Variants in NRXN3 observed in about 807,000 individuals in gnomAD.
NRXN3 encodes the protein neurexin 3.
A neutral mutation model predicts 137.6 loss-of-function variants in NRXN3; 32 were observed. The ratio of observed to expected loss-of-function variants is 0.23; its 90% CI spans 0.18 to 0.31. The LOEUF (loss-of-function observed/expected upper bound fraction) is 0.31, where lower values mean the gene tolerates loss of function less well. Ranked by LOEUF, NRXN3 falls within the 10% of genes least tolerant of loss-of-function variation. NRXN3 has a pLI of 1.00. For synonymous variants in NRXN3, 798 were observed against 784.5 expected, an observed-to-expected ratio of 1.02 and a Z score of -0.29; for missense variants, 1,574 against 2,062.5, an observed-to-expected ratio of 0.76 and a Z score of 4.59.
rs1426378495 is a variant in NRXN3 at position 78,778,756 on chromosome 14, TTCTCTTTC to T, written c.2045-24862_2045-24855del. 3.9e-3 allele frequency among the ~76,000 whole-genome samples: 458 copies of T among 116,766 alleles called. 4 individuals carry two copies. The highest frequency in any genetic ancestry group is 0.015 in the African/African-American group (441 of 28,854). The allele number at this position is 116,766 out of a possible 152,430, so 76.6% of individuals were successfully genotyped here. On this transcript the variant is annotated intron_variant, in intron 8 of 20. Transcript: ENST00000335750. ...TCTCTCTCTTTCTTTCTTTCCTTCT[TTCTCTTTC>T]TTTCTTTCTTTCTTTCTTTCTTTCT...
chr14:78,216,070 A>G (rs912300863), intron 1 of NRXN3, among the ~76,000 whole-genome samples: 3 of 152,138 alleles, frequency 2.0e-5, no homozygotes, highest in Admixed American at 6.5e-5. Flanking sequence ...AAAAACTTTA[A>G]TTGGTTTTAT....
chr14:79,465,768 G>A, intron 15 of NRXN3, among the ~76,000 whole-genome samples: 1 of 152,136 alleles, frequency 6.6e-6, no homozygotes, highest in South Asian at 2.1e-4. Context: ...TTTAAGGGTT[G>A]GAACATGGTC....
At chr14:78,705,950 GC>G (rs1270867174) in intron 6 of NRXN3, among the ~76,000 whole-genome samples, 1 of 152,122 alleles carries the variant, frequency 6.6e-6, no homozygotes, top group Non-Finnish European at 1.5e-5. Context: ...CTTCATTCCG[GC>G]TATTCACCTT....
intron 15 of NRXN3, among the ~76,000 whole-genome samples, chr14:79,118,791 A>G (rs2054916978): frequency 6.6e-6 from 1 of 152,084 alleles, no homozygotes; most frequent in African/African-American, 2.4e-5. Flanking sequence ...TAACACCCCT[A>G]TGTACCCAAA....
rs200860164 is a variant in NRXN3, at chr14:79,380,544, C to T, written c.3263-86677C>T. On this transcript the variant is annotated intron_variant, in intron 15 of 20. Transcript: ENST00000335750. ...ACATGAACTCATCCTTTTTTATGGC[C>T]GCATAGTATTCCATGGTGTATATGT... Among the ~76,000 whole-genome samples, 579 of 152,068 alleles carry T rather than the reference C, an allele frequency of 3.8e-3. 6 individuals carry two copies. The highest frequency in any genetic ancestry group is 0.026 in the East Asian group (135 of 5,158).
At chr14:78,542,200 C>T (rs1023983866) in intron 4 of NRXN3, among the ~76,000 whole-genome samples, 1 of 152,218 alleles carries the variant, frequency 6.6e-6, no homozygotes, top group Non-Finnish European at 1.5e-5. Flanking sequence ...CCACTGCTCT[C>T]TTCAGAGCTG....
chr14:79,163,952 T>TCATGCTGAAC (rs552569978), intron 15 of NRXN3, among the ~76,000 whole-genome samples: 312 of 152,134 alleles, frequency 2.1e-3, no homozygotes, highest in Admixed American at 3.5e-3. Context: ...TTTAAACTGT[T>TCATGCTGAAC]AATTCATGCT....
intron 4 of NRXN3, among the ~76,000 whole-genome samples, chr14:78,504,699 C>A (rs1453288094): frequency 6.6e-6 from 1 of 152,152 alleles, no homozygotes; most frequent in Non-Finnish European, 1.5e-5. Context: ...TTTCTTTAAT[C>A]ATATGAGTCC....
intron 15 of NRXN3, among the ~76,000 whole-genome samples, chr14:79,080,360 A>C (rs1234661996): frequency 6.6e-6 from 1 of 152,220 alleles, no homozygotes; most frequent in Non-Finnish European, 1.5e-5. Context: ...TAAAAGATCA[A>C]AGAGATCTAA....
chr14:79,596,023 A>G (rs969578314), intron 16 of NRXN3, among the ~76,000 whole-genome samples: 5 of 151,598 alleles, frequency 3.3e-5, no homozygotes, highest in African/African-American at 4.8e-5. Context: ...TTCCCAATAT[A>G]TAAGAGGACA....
At chr14:78,446,925 C>T (rs1051708067) in intron 4 of NRXN3, among the ~76,000 whole-genome samples, 4 of 152,096 alleles carry the variant, frequency 2.6e-5, no homozygotes, top group Non-Finnish European at 5.9e-5. Context: ...TGACATGGTC[C>T]CTCATTCCAG....
intron 15 of NRXN3, among the ~76,000 whole-genome samples, chr14:79,125,798 TC>T (rs1455482061): frequency 6.6e-6 from 1 of 152,106 alleles, no homozygotes; most frequent in African/African-American, 2.4e-5. Context: ...TTTTTGCTCG[TC>T]TTTTTCATCT....
chr14:79,011,725 C>A (rs1048606093), intron 15 of NRXN3, among the ~76,000 whole-genome samples: 25 of 152,076 alleles, frequency 1.6e-4, no homozygotes, highest in Non-Finnish European at 3.1e-4. Flanking sequence ...GTGACTAAAA[C>A]CATGTCATTT....
intron 4 of NRXN3, among the ~76,000 whole-genome samples, chr14:78,486,134 G>A (rs911464905): frequency 6.6e-6 from 1 of 152,200 alleles, no homozygotes; most frequent in Non-Finnish European, 1.5e-5. Flanking sequence ...TAGGCTTATG[G>A]TGGTACTTAC....
intron 15 of NRXN3, among the ~76,000 whole-genome samples, chr14:79,316,744 C>G (rs989474300): frequency 1.3e-4 from 19 of 151,978 alleles, no homozygotes; most frequent in Admixed American, 1.1e-3. Context: ...CTCTCTCTCT[C>G]TCTCTCTCTC....
chr14:79,164,275 G>A (rs1053271691), intron 15 of NRXN3, among the ~76,000 whole-genome samples: 10 of 151,970 alleles, frequency 6.6e-5, no homozygotes, highest in African/African-American at 2.4e-4. Flanking sequence ...GCACAAAGAT[G>A]CTGTATCTTG....
chr14:79,508,816 G>T (rs1160449786), intron 16 of NRXN3, among the ~76,000 whole-genome samples: 2 of 152,174 alleles, frequency 1.3e-5, no homozygotes, highest in Non-Finnish European at 2.9e-5. Context: ...GACATCCAGT[G>T]CTGGCTTGAT....
At chr14:79,494,396 A>G (rs1450038655) in intron 16 of NRXN3, among the ~76,000 whole-genome samples, 2 of 152,176 alleles carry the variant, frequency 1.3e-5, no homozygotes, top group Non-Finnish European at 2.9e-5. Context: ...ATTTCAAATA[A>G]TCTCCTAGAA....
chr14:78,844,566 A>G (rs2099021317), intron 10 of NRXN3, among the ~76,000 whole-genome samples: 4 of 152,136 alleles, frequency 2.6e-5, no homozygotes, highest in Admixed American at 1.3e-4. Context: ...CAGGGTTATA[A>G]TAAGAAATAA....
Sources: allele counts gnomAD v4.1 joint callset (sites outside exome capture counted in the v4.1 genomes callset), GRCh38; gene constraint gnomAD v4.1.1; transcripts MANE v1.5; gene names NCBI Gene and HGNC (gene_info 2026-07-23, HGNC 2026-07-21).